SYNPR: variants seen among roughly 807,000 people sequenced by gnomAD.
The protein encoded by SYNPR is synaptoporin.
A neutral mutation model predicts 32.9 loss-of-function variants in SYNPR; 23 were observed. The observed-to-expected ratio is 0.70, with a 90% CI of 0.50 to 0.99. The LOEUF is 0.99. Ranked by LOEUF, SYNPR falls within the 50% of genes least tolerant of loss-of-function variation. The pLI is 0.00. For synonymous variants in SYNPR, 146 were observed against 135.9 expected, an observed-to-expected ratio of 1.07 and a Z score of -0.52; for missense variants, 318 against 349.3, an observed-to-expected ratio of 0.91 and a Z score of 0.71.
At chr3:63,572,228 A>G (rs1702899546) in intron 4 of SYNPR, among the ~76,000 whole-genome samples, 1 of 152,072 alleles carries the variant, frequency 6.6e-6, no homozygotes, top group African/African-American at 2.4e-5. Context: ...ATTGTTCCAA[A>G]GGCCTCCATT....
At chr3:63,460,585 A>C (rs2106653617) in intron 2 of SYNPR, among the ~76,000 whole-genome samples, 1 of 151,136 alleles carries the variant, frequency 6.6e-6, no homozygotes, top group African/African-American at 2.4e-5. Context: ...AAAAAAAAAA[A>C]AAAAAAAAAA....
At chr3:63,353,358 C>T (rs2087534696) in intron 2 of SYNPR, among the ~76,000 whole-genome samples, 1 of 152,164 alleles carries the variant, frequency 6.6e-6, no homozygotes, top group African/African-American at 2.4e-5. Flanking sequence ...TATCTTCTTC[C>T]ACAGGGAGGG....
In SYNPR at chr3:63,248,258, T is replaced by G. The variant is rs1038843549; in HGVS notation, n.67-4241T>G. On this transcript the variant is annotated intron_variant and non_coding_transcript_variant, in intron 1 of 4. Transcript: ENST00000478456. ...TTTGGGCAAGTTTTTTTAACCTCTC[T>G]GAACATGAGGCTCCATTTATAAAAT... is the stretch of plus-strand genomic sequence containing the variant. 3.9e-5 allele frequency among the ~76,000 whole-genome samples: 6 copies of G among 152,172 alleles called. No individual in the cohort carries two copies. The East Asian group carries it at 1.2e-3, about 29-fold the overall frequency.
intron 1 of SYNPR, among the ~76,000 whole-genome samples, chr3:63,236,390 A>G (rs2086200878): frequency 6.6e-6 from 1 of 152,030 alleles, no homozygotes; most frequent in Admixed American, 6.6e-5. Flanking sequence ...ATATTAGCAT[A>G]AGTTTGTCTG....
At chr3:63,585,303 G>C (rs1485143449) in intron 4 of SYNPR, among the ~76,000 whole-genome samples, 1 of 151,992 alleles carries the variant, frequency 6.6e-6, no homozygotes, top group African/African-American at 2.4e-5. Context: ...TTTCATCCAG[G>C]ATGAAATGAA....
At chr3:63,422,322 A>G (rs1430271535) in intron 2 of SYNPR, among the ~76,000 whole-genome samples, 9 of 152,210 alleles carry the variant, frequency 5.9e-5, no homozygotes, top group Admixed American at 5.9e-4. Flanking sequence ...GGAAATGTCA[A>G]TTGGTTTTCC....
chr3:63,569,715 C>G (rs1702853487), intron 4 of SYNPR, among the ~76,000 whole-genome samples: 1 of 152,224 alleles, frequency 6.6e-6, no homozygotes, highest in Non-Finnish European at 1.5e-5. Flanking sequence ...TGGCAGTATC[C>G]TTTCTCATTG....
Position 63,388,185 on chromosome 3 carries a change from A to G in SYNPR, c.85-92647A>G, listed in dbSNP as rs148006536. Among the ~76,000 whole-genome samples the G allele has an allele frequency of 4.7e-3, 710 of 152,142 alleles. 6 individuals carry two copies. The highest frequency in any genetic ancestry group is 0.016 in the African/African-American group (663 of 41,494). On this transcript the variant is annotated intron_variant, in intron 2 of 5. Coordinates refer to ENST00000478300, the MANE Select transcript of SYNPR (RefSeq NM_001130003.2). ...ACTTTGAGTGAGGCAGCCCTCCTCA[A>G]CTAAGGTGACTCCTGAAGGAGCTGA...
At chr3:63,539,270 G>A (rs1332004170) in intron 3 of SYNPR, among the ~76,000 whole-genome samples, 2 of 152,076 alleles carry the variant, frequency 1.3e-5, no homozygotes, top group Admixed American at 6.6e-5. Context: ...CATGAAGGGA[G>A]GTGTGAAGTT....
At chr3:63,342,617 C>T (rs955406334) in intron 2 of SYNPR, among the ~76,000 whole-genome samples, 16 of 152,232 alleles carry the variant, frequency 1.1e-4, no homozygotes, top group Admixed American at 6.5e-4. Flanking sequence ...ATCAGGGTAA[C>T]GCTGGCCTCA....
chr3:63,306,148 C>T lies in SYNPR; in HGVS notation c.84+27406C>T, dbSNP rs577701268. 2.0e-5 allele frequency among the ~76,000 whole-genome samples: 3 copies of T among 152,080 alleles called. No individual in the cohort carries two copies. In the East Asian group the frequency reaches 5.8e-4, roughly 30 times the overall value. On this transcript the variant is annotated intron_variant, in intron 2 of 5. Transcript: ENST00000478300. Reference sequence around the variant, plus strand: ...CTTATAAGAGTAACATTTGTACCTTCTTCATCTTTTGTAAGTCCCAGGAGG... The same window carrying T: ...CTTATAAGAGTAACATTTGTACCTTTTTCATCTTTTGTAAGTCCCAGGAGG...
intron 2 of SYNPR, among the ~76,000 whole-genome samples, chr3:63,263,684 G>T (rs2086458174): frequency 6.6e-6 from 1 of 152,136 alleles, no homozygotes; most frequent in Admixed American, 6.6e-5. Context: ...ACAGCTGAGG[G>T]CAAGGGCACC....
At chr3:63,218,439 T>C in the SYNPR span, among the ~76,000 whole-genome samples, 1 of 152,242 alleles carries the variant, frequency 6.6e-6, no homozygotes, top group East Asian at 1.9e-4. Context: ...TATGTTCTAC[T>C]TCTTTGTGTC....
chr3:63,524,853 ATG>A (rs764949799), intron 3 of SYNPR, among the ~76,000 whole-genome samples: 39 of 66,352 alleles, frequency 5.9e-4, no homozygotes, highest in East Asian at 4.1e-3. Flanking sequence ...GTGTGTGTGC[ATG>A]TGTGTGTGTG....
At chr3:63,587,913 AG>A (rs1344327791) in intron 4 of SYNPR, among the ~76,000 whole-genome samples, 1 of 152,064 alleles carries the variant, frequency 6.6e-6, no homozygotes, top group Non-Finnish European at 1.5e-5. Context: ...AACCATGCAC[AG>A]TCATTTTCTC....
chr3:63,496,232 AT>A (rs1250765743), intron 3 of SYNPR, among the ~76,000 whole-genome samples: 5 of 152,100 alleles, frequency 3.3e-5, no homozygotes, highest in Non-Finnish European at 7.4e-5. Context: ...GATGTACGTT[AT>A]TTCAGAACTT....
intron 4 of SYNPR, among the ~76,000 whole-genome samples, chr3:63,567,393 AGTCTCAGACTT>A (rs1390296853): frequency 6.6e-6 from 1 of 152,216 alleles, no homozygotes. Flanking sequence ...CTGAGAAACT[AGTCTCAGACTT>A]TCATCCTCCT....
chr3:63,286,638 A>C (rs891881674), intron 2 of SYNPR, among the ~76,000 whole-genome samples: 1 of 152,218 alleles, frequency 6.6e-6, no homozygotes, highest in African/African-American at 2.4e-5. Flanking sequence ...GAAAATCTCT[A>C]AGGAGTATGT....
chr3:63,598,134 T>A (rs973241775), intron 4 of SYNPR, among the ~76,000 whole-genome samples: 2 of 152,126 alleles, frequency 1.3e-5, no homozygotes, highest in African/African-American at 4.8e-5. Flanking sequence ...GACAATAAAG[T>A]CATTGGATTA....
Sources: gnomAD v4.1 joint callset for allele counts (sites outside exome capture counted in the v4.1 genomes callset) on GRCh38, gnomAD v4.1.1 for gene constraint, MANE v1.5 for transcripts, NCBI Gene and HGNC (gene_info 2026-07-23, HGNC 2026-07-21) for gene names.